Variants in ZNF438 observed in about 807,000 individuals in gnomAD.
ZNF438 encodes zinc finger protein 438.
A neutral mutation model predicts 38.0 loss-of-function variants in ZNF438; 25 were observed. That is an observed-to-expected ratio of 0.66 (90% CI 0.48 to 0.92). ZNF438 has a LOEUF of 0.92. Ranked by LOEUF, ZNF438 falls within the 40% of genes least tolerant of loss-of-function variation. ZNF438 has a pLI of 0.00. For synonymous variants in ZNF438, 372 were observed against 364.1 expected (o/e 1.02, Z -0.25); for missense variants, 1,007 against 999.6 (o/e 1.01, Z -0.10).
At chr10:30,969,095 T>A (rs1021709936) in intron 1 of ZNF438, among the ~76,000 whole-genome samples, 7 of 151,388 alleles carry the variant, frequency 4.6e-5, no homozygotes, top group Non-Finnish European at 1.0e-4. Flanking sequence ...GGAAATAAGA[T>A]TTTTTTTTCA....
chr10:30,957,002 C>G (rs2048934837), intron 1 of ZNF438, among the ~76,000 whole-genome samples: 1 of 152,134 alleles, frequency 6.6e-6, no homozygotes, highest in African/African-American at 2.4e-5. Flanking sequence ...AATTTACATT[C>G]CCACCAACAG....
chr10:30,870,524 C>CGTTA (rs1564531201), intron 4 of ZNF438, among the ~76,000 whole-genome samples: 1 of 152,050 alleles, frequency 6.6e-6, no homozygotes, highest in Non-Finnish European at 1.5e-5. Flanking sequence ...GTGCTCCTAA[C>CGTTA]ACAAGAGAAC....
At chr10:30,893,514 C>T (rs1478009191) in intron 3 of ZNF438, among the ~76,000 whole-genome samples, 1 of 152,264 alleles carries the variant, frequency 6.6e-6, no homozygotes. Flanking sequence ...AACCACATAA[C>T]ATAATTAGAG....
At chr10:30,981,197 G>A (rs915388257) in intron 1 of ZNF438, among the ~76,000 whole-genome samples, 4 of 152,182 alleles carry the variant, frequency 2.6e-5, no homozygotes, top group Non-Finnish European at 4.4e-5. Flanking sequence ...AGGTGACAGA[G>A]AACAACTGAC....
intron 2 of ZNF438, chr10:30,910,442 T>C (rs188296867): frequency 6.6e-6 from 1 of 152,210 alleles, no homozygotes; most frequent in East Asian, 1.9e-4. Flanking sequence ...ATGAGCTTCC[T>C]ATAGCCATAG....
At chr10:31,016,217 TAAAA>T (rs2056184534) in intron 1 of ZNF438, among the ~76,000 whole-genome samples, 2 of 151,858 alleles carry the variant, frequency 1.3e-5, no homozygotes, top group South Asian at 2.1e-4. Flanking sequence ...CTTATGAAAA[TAAAA>T]AGAAACATAG....
At chr10:30,876,357 G>A (rs1303789877) in intron 4 of ZNF438, among the ~76,000 whole-genome samples, 5 of 152,030 alleles carry the variant, frequency 3.3e-5, no homozygotes, top group East Asian at 1.9e-4. Context: ...ATTTCTCCCC[G>A]GGGTTAGAGT....
chr10:30,933,156 T>C (rs1379490196), intron 2 of ZNF438, among the ~76,000 whole-genome samples: 1 of 152,232 alleles, frequency 6.6e-6, no homozygotes, highest in East Asian at 1.9e-4. Flanking sequence ...CAATTTGCTA[T>C]TTCCAATTTT....
intron 2 of ZNF438, 28 bp from the exon 4 acceptor site, chr10:30,909,043 C>T (rs1403415344): frequency 1.3e-5 from 2 of 152,080 alleles, no homozygotes. Flanking sequence ...GATTTACAAA[C>T]TTTTAAGAGA....
At chr10:30,966,571 G>A (rs1405214847) in intron 1 of ZNF438, among the ~76,000 whole-genome samples, 1 of 151,292 alleles carries the variant, frequency 6.6e-6, no homozygotes, top group Non-Finnish European at 1.5e-5. Flanking sequence ...TCGGGAGGCT[G>A]AGGCAGCAGA....
intron 1 of ZNF438, among the ~76,000 whole-genome samples, chr10:30,990,369 T>C (rs928168934): frequency 1.3e-5 from 2 of 152,200 alleles, no homozygotes; most frequent in Non-Finnish European, 2.9e-5. Flanking sequence ...TATGCATAAA[T>C]GGCTGCTAAG....
chr10:30,986,398 C>T (rs2052793060), intron 1 of ZNF438, among the ~76,000 whole-genome samples: 1 of 152,186 alleles, frequency 6.6e-6, no homozygotes, highest in Admixed American at 6.5e-5. Context: ...AAGCAAAAAT[C>T]ATGGCACTAT....
chr10:30,863,779 A>G lies in ZNF438; in HGVS notation c.37+13219T>C, dbSNP rs377238604. On this transcript the variant is annotated intron_variant, in intron 4 of 5. Transcript: ENST00000413025. Reference sequence around the variant, plus strand: ...CTGAGCATCCACACGCACTCCCCTCATATTGTAGGTTCGCCCCCTTGCTGT... The same window carrying G: ...CTGAGCATCCACACGCACTCCCCTCGTATTGTAGGTTCGCCCCCTTGCTGT... 2.0e-4 allele frequency among the ~76,000 whole-genome samples: 30 copies of G among 152,266 alleles called. 1 individual carries two copies. The highest frequency in any genetic ancestry group is 6.5e-4 in the African/African-American group (27 of 41,554).
At chr10:31,022,997 G>A (rs766895556) in intron 1 of ZNF438, among the ~76,000 whole-genome samples, 37 of 152,082 alleles carry the variant, frequency 2.4e-4, no homozygotes, top group Non-Finnish European at 4.6e-4. Context: ...TGTCTGAGCC[G>A]ACTTATAATG....
chr10:30,998,191 T>A (rs1336749357), intron 1 of ZNF438, among the ~76,000 whole-genome samples: 1 of 152,054 alleles, frequency 6.6e-6, no homozygotes, highest in Non-Finnish European at 1.5e-5. Context: ...ATGAAACTCA[T>A]ATAGATCCAT....
chr10:30,874,805 TTAAA>T (rs1337639131), intron 4 of ZNF438, among the ~76,000 whole-genome samples: 1 of 150,628 alleles, frequency 6.6e-6, no homozygotes, highest in Admixed American at 6.6e-5. Context: ...TCTTTATAAA[TTAAA>T]TATTCTTTAT....
chr10:30,940,857 C>T (rs2046744874), intron 2 of ZNF438, among the ~76,000 whole-genome samples: 1 of 151,834 alleles, frequency 6.6e-6, no homozygotes, highest in Non-Finnish European at 1.5e-5. Flanking sequence ...AGTTAATTAA[C>T]AAAATATTTC....
At chr10:31,029,638 C>T (rs1445650428) in intron 1 of ZNF438, among the ~76,000 whole-genome samples, 4 of 152,212 alleles carry the variant, frequency 2.6e-5, no homozygotes, top group South Asian at 2.1e-4. Flanking sequence ...TCACTCCATC[C>T]GACCCACTCT....
chr10:30,946,804 T>A (rs1224526014), intron 1 of ZNF438, among the ~76,000 whole-genome samples: 1 of 152,214 alleles, frequency 6.6e-6, no homozygotes, highest in African/African-American at 2.4e-5. Flanking sequence ...TTCCCTTTTT[T>A]TCCTGCCATA....
Sources: gnomAD v4.1 joint callset for allele counts (sites outside exome capture counted in the v4.1 genomes callset) on GRCh38, gnomAD v4.1.1 for gene constraint, MANE v1.5 for transcripts, NCBI Gene and HGNC (gene_info 2026-07-23, HGNC 2026-07-21) for gene names.